HELQ: variants seen among roughly 807,000 people sequenced by gnomAD.
HELQ encodes the protein helicase POLQ-like.
In HELQ, 77 loss-of-function variants were observed where a neutral mutation model predicts 111.6. That is an observed-to-expected ratio of 0.69 (90% CI 0.57 to 0.83). The LOEUF (loss-of-function observed/expected upper bound fraction) is 0.83, where lower values mean the gene tolerates loss of function less well. Among genes scored for constraint, HELQ ranks in the 40% least tolerant of loss-of-function variants. The pLI, the probability that HELQ is intolerant of heterozygous loss-of-function variation, is 0.00. For missense variants in HELQ, 1,200 were observed against 1,288.5 expected, an observed-to-expected ratio of 0.93 and a Z score of 1.05; for synonymous variants, 438 against 454.7, an observed-to-expected ratio of 0.96 and a Z score of 0.47.
chr4:83,442,356 C>T (rs2110002645), intron 6 of HELQ, among the ~76,000 whole-genome samples: 1 of 144,390 alleles, frequency 6.9e-6, no homozygotes, highest in African/African-American at 2.5e-5. Context: ...TATCCTCAAC[C>T]TTCTGGGCTT....
At chr4:83,421,842 A>C (rs1560542761) in intron 14 of HELQ, 106 bp from the exon 15 acceptor site, 1 of 780,774 alleles carries the variant, frequency 1.3e-6, no homozygotes, top group Non-Finnish European at 2.1e-6. Context: ...AATAGCAAGG[A>C]TAGAATAATT....
chr4:83,435,655 A>G (rs940461051), intron 9 of HELQ, among the ~76,000 whole-genome samples: 3 of 152,132 alleles, frequency 2.0e-5, no homozygotes, highest in Admixed American at 2.0e-4. Flanking sequence ...TTTACAGGTA[A>G]GTTTAAATAC....
In HELQ at chr4:83,415,028, G is replaced by A. The variant is rs1017769594; in HGVS notation, c.3198+1703C>T. ...ACAATTAAGGTAATGTAAGCAATGTGAGCACCATTAAAAAATGATGGAAAG... is the reference window on the plus strand; with the variant it reads ...ACAATTAAGGTAATGTAAGCAATGTAAGCACCATTAAAAAATGATGGAAAG... On this transcript the variant is annotated intron_variant, in intron 17 of 17. Transcript: ENST00000295488. Among the ~76,000 whole-genome samples the A allele has an allele frequency of 5.0e-4, 76 of 152,090 alleles. 1 individual carries two copies. Among genetic ancestry groups the A allele is most frequent in the African/African-American group, 1.7e-3 (72 of 41,410 alleles).
chr4:83,428,763 G>A (rs982862933), intron 12 of HELQ, among the ~76,000 whole-genome samples: 7 of 151,900 alleles, frequency 4.6e-5, no homozygotes, highest in Non-Finnish European at 1.0e-4. Flanking sequence ...CAAACATAGC[G>A]AGATTTTGCC....
At chr4:83,417,211 T>C (rs941376661) in intron 16 of HELQ, among the ~76,000 whole-genome samples, 33 of 151,566 alleles carry the variant, frequency 2.2e-4, no homozygotes, top group South Asian at 6.3e-4. Flanking sequence ...CTTTTCTTTT[T>C]TTTTTTTTTG....
At chr4:83,427,522 A>G in intron 13 of HELQ, 41 bp downstream of exon 13, 1 of 1,436,732 alleles carries the variant, frequency 7.0e-7, no homozygotes, top group Non-Finnish European at 9.2e-7. Context: ...GTAATAATTC[A>G]TAAACGAAGT....
intron 9 of HELQ, 33 bp from the exon 10 acceptor site, chr4:83,432,300 CA>C (rs1159798237): frequency 4.1e-6 from 6 of 1,450,398 alleles, no homozygotes; most frequent in Non-Finnish European, 5.5e-6. Context: ...TACTCTACAG[CA>C]AACAGCACCA....
intron 2 of HELQ, 66 bp from the exon 3 acceptor site, chr4:83,449,027 A>G (rs1721209300): frequency 8.3e-7 from 1 of 1,211,866 alleles, no homozygotes; most frequent in African/African-American, 1.5e-5. Context: ...AAAGTTTTCT[A>G]AGAAAAAAAA....
chr4:83,422,535 G>T (rs1352878108), intron 14 of HELQ, among the ~76,000 whole-genome samples: 1 of 152,184 alleles, frequency 6.6e-6, no homozygotes, highest in East Asian at 1.9e-4. Flanking sequence ...GAAGATGGAG[G>T]CTGAGATTGG....
At position 83,452,901 on chromosome 4, in the gene HELQ, A is replaced by G. The variant is rs189240409; in HGVS notation, c.1012+330T>C. The stretch of plus-strand genomic sequence containing the variant: ...ACCAATATAATTATTGAAAATCATT[A>G]CCAACATTGAATTTGGCATGTCTTT... On this transcript the variant is annotated intron_variant, in intron 2 of 17. Coordinates refer to ENST00000295488, the MANE Select transcript of HELQ (RefSeq NM_133636.5). Among the ~76,000 whole-genome samples, 413 of 152,344 alleles carry G rather than the reference A, an allele frequency of 2.7e-3. 4 individuals carry two copies. Among genetic ancestry groups the G allele is most frequent in the African/African-American group, 9.5e-3 (397 of 41,578 alleles).
intron 17 of HELQ, among the ~76,000 whole-genome samples, chr4:83,411,604 AAAAT>A (rs147373472): frequency 1.3e-5 from 2 of 150,098 alleles, no homozygotes; most frequent in Non-Finnish European, 1.5e-5. Flanking sequence ...ACCCTGTCTC[AAAAT>A]AAATAAATAA....
chr4:83,451,675 A>ACAAC (rs1553933438), intron 2 of HELQ, among the ~76,000 whole-genome samples: 12 of 151,774 alleles, frequency 7.9e-5, no homozygotes, highest in African/African-American at 2.9e-4. Flanking sequence ...AAAAAAAACA[A>ACAAC]AAAAACAAAA....
chr4:83,428,173 ATATT>A (rs886965100), intron 12 of HELQ, among the ~76,000 whole-genome samples: 1 of 152,242 alleles, frequency 6.6e-6, no homozygotes, highest in Non-Finnish European at 1.5e-5. Flanking sequence ...TTGGAAAAAA[ATATT>A]TAAATGATCA....
rs973986094 is a variant in HELQ at position 83,441,545 on chromosome 4, A to G, written c.1564-142T>C. 46 of 521,378 alleles carry G rather than the reference A, an allele frequency of 8.8e-5. 1 individual carries two copies. The highest frequency in any genetic ancestry group is 8.5e-4 in the African/African-American group (42 of 49,478). 32.3% of individuals were successfully genotyped at this position (521,378 alleles called of 1,614,324 possible). A position where few individuals can be genotyped will look rare whatever the true frequency, so the allele number is the denominator to read the frequency against. On this transcript the variant is annotated intron_variant, in intron 6 of 17. Transcript: ENST00000295488. ...GATACATAAAACATGCTTCAACTTA[A>G]AAGTTCTTGCTTTACCATTTCTTCT...
At chr4:83,428,213 A>G (rs1448174247) in intron 12 of HELQ, among the ~76,000 whole-genome samples, 1 of 152,208 alleles carries the variant, frequency 6.6e-6, no homozygotes, top group Non-Finnish European at 1.5e-5. Context: ...AAATACACAC[A>G]TAAAAATATT....
intron 6 of HELQ, among the ~76,000 whole-genome samples, chr4:83,441,995 GC>G (rs1295264785): frequency 6.6e-6 from 1 of 151,742 alleles, no homozygotes; most frequent in Non-Finnish European, 1.5e-5. Flanking sequence ...GAACTCCTGG[GC>G]TCAAGCGATC....
At chr4:83,428,712 C>G (rs72927504) in intron 12 of HELQ, among the ~76,000 whole-genome samples, 13,626 of 151,926 alleles carry the variant, frequency 0.09, 2,053 homozygotes, top group African/African-American at 0.31. Context: ...CTTTGGGAGG[C>G]AGGAGGATTA....
intron 11 of HELQ, among the ~76,000 whole-genome samples, chr4:83,430,274 TAAA>T (rs141214516): frequency 2.5e-5 from 3 of 122,118 alleles, no homozygotes; most frequent in Admixed American, 2.4e-4. Flanking sequence ...TAAAGTATAA[TAAA>T]AAAAAAACAA....
At chr4:83,417,566 G>C (rs1739432962) in intron 16 of HELQ, among the ~76,000 whole-genome samples, 1 of 152,122 alleles carries the variant, frequency 6.6e-6, no homozygotes, top group African/African-American at 2.4e-5. Context: ...CTCTCTGTGT[G>C]TGTGCGTGTG....
Sources: gnomAD v4.1 joint callset for allele counts (sites outside exome capture counted in the v4.1 genomes callset) on GRCh38, gnomAD v4.1.1 for gene constraint, MANE v1.5 for transcripts, NCBI Gene and HGNC (gene_info 2026-07-23, HGNC 2026-07-21) for gene names.